The following CDK5RAP2 variants were observed in gnomAD, a reference collection of about 807,000 sequenced individuals.
CDK5RAP2 encodes CDK5 regulatory subunit associated protein 2, also known as CDK5 regulatory subunit-associated protein 2.
CDK5RAP2 carries 147 observed loss-of-function variants against 232.9 expected under a neutral mutation model. The ratio of observed to expected loss-of-function variants is 0.63; its 90% CI spans 0.55 to 0.72. The LOEUF (loss-of-function observed/expected upper bound fraction) is 0.72, where lower values mean the gene tolerates loss of function less well. Among genes scored for constraint, CDK5RAP2 ranks in the 30% least tolerant of loss-of-function variants. The pLI is 0.00. For synonymous variants in CDK5RAP2, 833 were observed against 833.7 expected (o/e 1.00, Z 0.01); for missense variants, 2,195 against 2,231.5 (o/e 0.98, Z 0.33).
intron 12 of CDK5RAP2, among the ~76,000 whole-genome samples, chr9:120,499,921 C>G (rs1157367054): frequency 6.6e-6 from 1 of 152,080 alleles, no homozygotes; most frequent in African/African-American, 2.4e-5. Context: ...ACTATATGGC[C>G]TACAAAGAGC....
chr9:120,466,333 C>G (rs2037378201), intron 18 of CDK5RAP2, among the ~76,000 whole-genome samples: 1 of 152,192 alleles, frequency 6.6e-6, no homozygotes, highest in South Asian at 2.1e-4. Context: ...ACTCCCTCAG[C>G]CCAAGATTAC....
At chr9:120,470,055 C>A (rs1051068781) in intron 17 of CDK5RAP2, 56 bp downstream of exon 17, 2 of 905,580 alleles carry the variant, frequency 2.2e-6, no homozygotes, top group South Asian at 2.9e-5. Context: ...ACCCAAGATA[C>A]AACAAACAAT....
chr9:120,487,203 A>T, intron 14 of CDK5RAP2, 91 bp downstream of exon 14: 1 of 1,402,428 alleles, frequency 7.1e-7, no homozygotes, highest in Non-Finnish European at 1.0e-6. Context: ...AAGGCATTTG[A>T]GGATCTCTAG....
Position 120,527,938 on chromosome 9 carries a change from A to G in CDK5RAP2, c.880-13T>C. 1.2e-6 allele frequency: 2 copies of G among 1,613,586 alleles called. No individual in the cohort carries two copies. The highest frequency in any genetic ancestry group is 8.5e-7 in the Non-Finnish European group (1 of 1,179,960). On this transcript the variant is annotated splice_polypyrimidine_tract_variant and intron_variant, in intron 9 of 37. Transcript: ENST00000349780. ...CCTCTTCAAGTGCCTAAATTAGATT[A>G]GAAAAAGATTCACTAAGTTGATGCG... is the stretch of plus-strand genomic sequence containing the variant.
chr9:120,541,606 A>G (rs559518168), intron 5 of CDK5RAP2, among the ~76,000 whole-genome samples: 3 of 152,360 alleles, frequency 2.0e-5, no homozygotes, highest in Admixed American at 6.5e-5. Flanking sequence ...ACTGATAAAT[A>G]TAACAATGGA....
At chr9:120,461,476 G>C (rs544538704) in intron 18 of CDK5RAP2, among the ~76,000 whole-genome samples, 149 of 152,256 alleles carry the variant, frequency 9.8e-4, no homozygotes, top group African/African-American at 3.4e-3. Context: ...TGAGAGAAAA[G>C]GTGGCCAGCC....
Position 120,518,442 on chromosome 9 carries a change from T to A in CDK5RAP2, c.1296A>T (p.Gly432=), listed in dbSNP as rs2040461369. 1 of 1,613,362 alleles carries A rather than the reference T, an allele frequency of 6.2e-7. No homozygotes were observed. Among genetic ancestry groups the A allele is most frequent in the African/African-American group, 1.3e-5 (1 of 74,766 alleles). ...CGGTACTCACACGGATGGTGCAGTC[T>A]CCTTTGCTCTTCTCTCGATGGGCTT... ...LEEAHREKSK[G]DCTIRDLRNE... The change falls in exon 12 of 38, where the codon GGA becomes GGT. Residue 432 remains glycine, a synonymous_variant. Transcript: ENST00000349780.
intron 3 of CDK5RAP2, among the ~76,000 whole-genome samples, chr9:120,564,424 C>A (rs900959587): frequency 1.4e-5 from 2 of 147,104 alleles, no homozygotes; most frequent in Non-Finnish European, 3.0e-5. Context: ...CGGGAGGCTG[C>A]GGCTGCAGTG....
At chr9:120,561,519 A>C (rs796750263) in intron 3 of CDK5RAP2, among the ~76,000 whole-genome samples, 50 of 152,070 alleles carry the variant, frequency 3.3e-4, no homozygotes, top group African/African-American at 1.2e-3. Flanking sequence ...AAGCTGGGTC[A>C]CAACTCCTGG....
intron 9 of CDK5RAP2, among the ~76,000 whole-genome samples, chr9:120,528,149 T>C (rs1343463165): frequency 6.6e-6 from 1 of 152,216 alleles, no homozygotes; most frequent in Non-Finnish European, 1.5e-5. Flanking sequence ...ATCAAATCAG[T>C]TGAGACGATG....
chr9:120,541,782 G>A (rs553352812), intron 5 of CDK5RAP2, among the ~76,000 whole-genome samples: 4 of 152,296 alleles, frequency 2.6e-5, no homozygotes, highest in South Asian at 2.1e-4. Context: ...CCTGTCAAGC[G>A]CCAGATGCAG....
At chr9:120,534,576 G>A (rs2041303268) in intron 7 of CDK5RAP2, among the ~76,000 whole-genome samples, 1 of 152,150 alleles carries the variant, frequency 6.6e-6, no homozygotes, top group African/African-American at 2.4e-5. Flanking sequence ...AGTAGAAGAT[G>A]CTCAGGTGAT....
At chr9:120,399,288 A>T (rs2131247719) in intron 35 of CDK5RAP2, among the ~76,000 whole-genome samples, 1 of 152,320 alleles carries the variant, frequency 6.6e-6, no homozygotes, top group Non-Finnish European at 1.5e-5. Flanking sequence ...GGATAAAAAC[A>T]TTGCATTAAG....
intron 25 of CDK5RAP2, among the ~76,000 whole-genome samples, chr9:120,426,542 A>G (rs2034914130): frequency 1.3e-5 from 2 of 152,196 alleles, no homozygotes; most frequent in African/African-American, 4.8e-5. Context: ...CTAAGGGGTT[A>G]CAGAGACCAA....
intron 12 of CDK5RAP2, among the ~76,000 whole-genome samples, chr9:120,516,377 GA>G (rs1312994800): frequency 5.0e-5 from 5 of 99,964 alleles, no homozygotes; most frequent in Non-Finnish European, 9.3e-5. Flanking sequence ...GGGGTGGGGG[GA>G]GGGGGGAGGG....
At chr9:120,434,408 T>G (rs1031002609) in intron 25 of CDK5RAP2, among the ~76,000 whole-genome samples, 1 of 151,888 alleles carries the variant, frequency 6.6e-6, no homozygotes, top group Admixed American at 6.6e-5. Context: ...CAGGCCCTTA[T>G]CTGGACTTTT....
chr9:120,438,130 T>G (rs2035693429), intron 24 of CDK5RAP2, among the ~76,000 whole-genome samples: 1 of 152,236 alleles, frequency 6.6e-6, no homozygotes, highest in Non-Finnish European at 1.5e-5. Flanking sequence ...GATTTTGGAT[T>G]CAAACACAAT....
chr9:120,567,575 A>C (rs2042692940), intron 3 of CDK5RAP2, among the ~76,000 whole-genome samples: 1 of 152,124 alleles, frequency 6.6e-6, no homozygotes. Flanking sequence ...AAATAACCTT[A>C]TTTTCCTGTT....
intron 12 of CDK5RAP2, among the ~76,000 whole-genome samples, chr9:120,512,840 C>T (rs1473627307): frequency 2.6e-5 from 4 of 152,262 alleles, no homozygotes; most frequent in Middle Eastern, 3.4e-3. Flanking sequence ...GAGCATCACG[C>T]GGGCACACAG....
Sources: allele counts gnomAD v4.1 joint callset (sites outside exome capture counted in the v4.1 genomes callset), GRCh38; gene constraint gnomAD v4.1.1; transcripts MANE v1.5; gene names NCBI Gene and HGNC (gene_info 2026-07-23, HGNC 2026-07-21).